PDE4B: variants seen among roughly 807,000 people sequenced by gnomAD.
PDE4B encodes the protein 3',5'-cyclic-AMP phosphodiesterase 4B.
In PDE4B, 20 loss-of-function variants were observed where a neutral mutation model predicts 82.2. That is an observed-to-expected ratio of 0.24 (90% CI 0.17 to 0.35). The LOEUF (loss-of-function observed/expected upper bound fraction) is 0.35, where lower values mean the gene tolerates loss of function less well. Ranked by LOEUF, PDE4B falls within the 10% of genes least tolerant of loss-of-function variation. PDE4B has a pLI of 1.00. For missense variants in PDE4B, 655 were observed against 907.2 expected, an observed-to-expected ratio of 0.72 and a Z score of 3.57; for synonymous variants, 320 against 318.9, an observed-to-expected ratio of 1.00 and a Z score of -0.04.
chr1:66,354,194 A>G (rs1293232497), intron 8 of PDE4B, among the ~76,000 whole-genome samples: 3 of 152,196 alleles, frequency 2.0e-5, no homozygotes, highest in African/African-American at 7.2e-5. Context: ...ATGTTTGCTT[A>G]AATGTTCAGA....
intron 3 of PDE4B, among the ~76,000 whole-genome samples, chr1:66,131,258 TAGA>T (rs935685661): frequency 1.3e-5 from 2 of 152,098 alleles, no homozygotes; most frequent in African/African-American, 4.8e-5. Flanking sequence ...TATTGACAAC[TAGA>T]AGAAGATTTT....
intron 3 of PDE4B, among the ~76,000 whole-genome samples, chr1:66,175,489 A>T (rs867235586): frequency 6.6e-6 from 1 of 152,228 alleles, no homozygotes; most frequent in African/African-American, 2.4e-5. Context: ...ACTTGGACAA[A>T]TCCAAATATA....
chr1:66,334,013 G>A (rs1173170693), intron 8 of PDE4B, among the ~76,000 whole-genome samples: 1 of 152,130 alleles, frequency 6.6e-6, no homozygotes, highest in Non-Finnish European at 1.5e-5. Context: ...CATGAGGAGG[G>A]CTTTGCTGTG....
intron 1 of PDE4B, among the ~76,000 whole-genome samples, chr1:65,797,742 G>A (rs925354629): frequency 6.6e-6 from 1 of 152,194 alleles, no homozygotes; most frequent in South Asian, 2.1e-4. Context: ...AGGCCACCTA[G>A]TATTGTCAAA....
chr1:66,103,166 C>T (rs1356695736), intron 3 of PDE4B, among the ~76,000 whole-genome samples: 1 of 152,086 alleles, frequency 6.6e-6, no homozygotes, highest in Admixed American at 6.6e-5. Flanking sequence ...TAAAGAATCA[C>T]TATGAGTCTT....
intron 3 of PDE4B, among the ~76,000 whole-genome samples, chr1:66,020,105 G>A (rs1339927827): frequency 1.3e-5 from 2 of 152,162 alleles, no homozygotes; most frequent in Non-Finnish European, 2.9e-5. Flanking sequence ...TTGCATTACT[G>A]TTGAGGAAAG....
At chr1:66,052,353 G>T (rs574330093) in intron 3 of PDE4B, among the ~76,000 whole-genome samples, 1 of 152,200 alleles carries the variant, frequency 6.6e-6, no homozygotes, top group Admixed American at 6.5e-5. Flanking sequence ...TGTTTTATAT[G>T]CAGAATCTTA....
intron 1 of PDE4B, among the ~76,000 whole-genome samples, chr1:65,794,830 T>C (rs1645613104): frequency 2.0e-5 from 3 of 152,248 alleles, no homozygotes; most frequent in African/African-American, 7.2e-5. Context: ...TATATATCTA[T>C]CATCTTTCTA....
At chr1:65,921,170 G>A (rs1450816601) in intron 3 of PDE4B, among the ~76,000 whole-genome samples, 12 of 151,016 alleles carry the variant, frequency 7.9e-5, no homozygotes, top group African/African-American at 2.4e-4. Context: ...GGGTTTCACC[G>A]TTTTAGCCGG....
At chr1:65,924,816 A>G (rs1647411979) in intron 3 of PDE4B, among the ~76,000 whole-genome samples, 1 of 152,244 alleles carries the variant, frequency 6.6e-6, no homozygotes, top group South Asian at 2.1e-4. Context: ...GACCTATGTG[A>G]AGGCTATTTA....
At chr1:66,147,341 T>C (rs927422960) in intron 3 of PDE4B, among the ~76,000 whole-genome samples, 1 of 152,176 alleles carries the variant, frequency 6.6e-6, no homozygotes, top group African/African-American at 2.4e-5. Flanking sequence ...ATACTATCAT[T>C]TTGCAAAGGA....
At chr1:66,043,119 G>A (rs1446847449) in intron 3 of PDE4B, among the ~76,000 whole-genome samples, 5 of 151,724 alleles carry the variant, frequency 3.3e-5, no homozygotes, top group African/African-American at 1.2e-4. Context: ...CCTACTGTGT[G>A]TTATAGTGCC....
At chr1:65,906,740 T>C (rs1647032030) in intron 1 of PDE4B, among the ~76,000 whole-genome samples, 1 of 152,172 alleles carries the variant, frequency 6.6e-6, no homozygotes, top group East Asian at 1.9e-4. Flanking sequence ...CCATGTGTAT[T>C]GATTTCAAAT....
At chr1:65,844,377 T>C (rs901930362) in intron 1 of PDE4B, among the ~76,000 whole-genome samples, 4 of 152,172 alleles carry the variant, frequency 2.6e-5, no homozygotes, top group Non-Finnish European at 4.4e-5. Context: ...ATGGAAGTGT[T>C]TGGCATCGCC....
chr1:66,232,851 A>G (rs1452318009), intron 3 of PDE4B, among the ~76,000 whole-genome samples: 4 of 152,218 alleles, frequency 2.6e-5, no homozygotes, highest in African/African-American at 9.7e-5. Context: ...TGAGAAGAAA[A>G]TAAGTGTTAA....
chr1:65,908,683 G>A (rs1475487736), intron 1 of PDE4B, among the ~76,000 whole-genome samples: 1 of 152,036 alleles, frequency 6.6e-6, no homozygotes, highest in Non-Finnish European at 1.5e-5. Context: ...CGGGCAAGGG[G>A]ACCTTACCAA....
intron 2 of PDE4B, 65 bp downstream of exon 2, chr1:65,913,421 T>C: frequency 6.6e-7 from 1 of 1,504,728 alleles, no homozygotes; most frequent in Non-Finnish European, 9.2e-7. Context: ...GATAATTCTA[T>C]TCAAAGGGCA....
At chr1:66,130,362 T>C (rs1395336588) in intron 3 of PDE4B, among the ~76,000 whole-genome samples, 1 of 152,242 alleles carries the variant, frequency 6.6e-6, no homozygotes, top group Non-Finnish European at 1.5e-5. Flanking sequence ...CATTCATTCA[T>C]GTGACAATTG....
chr1:66,067,486 A>C (rs1282322989), intron 3 of PDE4B, among the ~76,000 whole-genome samples: 3 of 151,928 alleles, frequency 2.0e-5, no homozygotes, highest in African/African-American at 4.8e-5. Flanking sequence ...TAAGTGTCTT[A>C]TTTTGAGAAG....
Sources: gnomAD v4.1 joint callset for allele counts (sites outside exome capture counted in the v4.1 genomes callset) on GRCh38, gnomAD v4.1.1 for gene constraint, MANE v1.5 for transcripts, NCBI Gene and HGNC (gene_info 2026-07-23, HGNC 2026-07-21) for gene names.